Variants in CPXM2 observed in about 807,000 individuals in gnomAD.
CPXM2 encodes carboxypeptidase X, M14 family member 2.
A neutral mutation model predicts 86.1 loss-of-function variants in CPXM2; 66 were observed. That is an observed-to-expected ratio of 0.77 (90% CI 0.63 to 0.94). CPXM2 has a LOEUF of 0.94. Among genes scored for constraint, CPXM2 ranks in the 40% least tolerant of loss-of-function variants. The pLI is 0.00. For missense variants in CPXM2, 948 were observed against 1,026.3 expected, an observed-to-expected ratio of 0.92 and a Z score of 1.04; for synonymous variants, 388 against 400.2, an observed-to-expected ratio of 0.97 and a Z score of 0.36.
intron 4 of CPXM2, among the ~76,000 whole-genome samples, chr10:123,820,924 C>T (rs1347619701): frequency 1.3e-5 from 2 of 152,200 alleles, no homozygotes; most frequent in Admixed American, 6.5e-5. Flanking sequence ...TAAAAAGTCG[C>T]TTTTGCCATG....
chr10:123,938,904 C>G (rs1945747844), intron 2 of CPXM2, among the ~76,000 whole-genome samples: 1 of 152,250 alleles, frequency 6.6e-6, no homozygotes, highest in Non-Finnish European at 1.5e-5. Context: ...CCCAGGGACA[C>G]AGGTGGATCA....
Position 123,794,734 on chromosome 10 carries a change from C to CGTGTGTGTGTGTGTGTGT in CPXM2, c.889+3224_889+3241dup, listed in dbSNP as rs142855432. Among the ~76,000 whole-genome samples, 28 of 141,324 alleles carry CGTGTGTGTGTGTGTGTGT rather than the reference C, an allele frequency of 2.0e-4. No homozygotes were observed. In the South Asian group the frequency reaches 3.4e-3, roughly 17 times the overall value. The allele number at this position is 141,324 out of a possible 152,430, so 92.7% of individuals were successfully genotyped here. On this transcript the variant is annotated intron_variant, in intron 6 of 13. Coordinates refer to ENST00000241305, the MANE Select transcript of CPXM2 (RefSeq NM_198148.3). ...TCATTTTTATTTATTTATTTAAGAC[C>CGTGTGTGTGTGTGTGTGT]GTGTGTGTGTGTGTGTGTGTGTGTG...
At position 123,749,573 on chromosome 10, in the gene CPXM2, C is replaced by T. The variant is rs369178365; in HGVS notation, c.2018-2556G>A. On this transcript the variant is annotated intron_variant, in intron 13 of 13. Coordinates refer to ENST00000241305, the MANE Select transcript of CPXM2 (RefSeq NM_198148.3). ...TGAAATCCAAAGTCCTTGGGTGGCCCGAGCCTCTGGGGTCCCAGTTCCTGC... is the reference window on the plus strand; with the variant it reads ...TGAAATCCAAAGTCCTTGGGTGGCCTGAGCCTCTGGGGTCCCAGTTCCTGC... Among the ~76,000 whole-genome samples the T allele has an allele frequency of 4.6e-5, 7 of 152,256 alleles. No individual in the cohort carries two copies. In the East Asian group the frequency reaches 7.7e-4, roughly 17 times the overall value.
In CPXM2 at chr10:123,891,526, G is replaced by A. The variant is rs1336545843; in HGVS notation, c.134C>T (p.Pro45Leu). ...CTCGGGCTCCGGGCGCGCGTAGTAG[G>A]GCTCCCGGCTCCAGATCTCCTGCCC... ...YYGQEIWSRE[P>L]YYARPEPELE... The change falls in exon 1 of 14, where the codon CCC (proline) becomes CTC (leucine). Residue 45 changes from proline (P) to leucine (L), a missense_variant. Coordinates refer to ENST00000241305, the MANE Select transcript of CPXM2 (RefSeq NM_198148.3). The surrounding 1 kb of genome is among the most constrained non-coding windows in gnomAD (Gnocchi z 5.6). 20 of 1,548,520 alleles carry A rather than the reference G, an allele frequency of 1.3e-5. No individual in the cohort carries two copies. The highest frequency in any genetic ancestry group is 2.0e-5 in the Admixed American group (1 of 50,914).
intron 2 of CPXM2, among the ~76,000 whole-genome samples, chr10:123,935,529 C>T (rs1945707543): frequency 6.6e-6 from 1 of 152,228 alleles, no homozygotes; most frequent in South Asian, 2.1e-4. Context: ...ACAGACCTCA[C>T]AGGGAGAGGG....
At chr10:123,936,097 C>CATAATTACCATCATGATTAT (rs1590130623) in intron 2 of CPXM2, among the ~76,000 whole-genome samples, 10 of 86,970 alleles carry the variant, frequency 1.1e-4, no homozygotes, top group Non-Finnish European at 1.7e-4. Flanking sequence ...ACCACCATCA[C>CATAATTACCATCATGATTAT]CATCATCATC....
chr10:123,834,044 G>A (rs908170856), intron 4 of CPXM2, among the ~76,000 whole-genome samples: 1 of 152,190 alleles, frequency 6.6e-6, no homozygotes, highest in Non-Finnish European at 1.5e-5. Context: ...AAGAAACTGA[G>A]GCCCGAAAGG....
chr10:123,823,233 G>A (rs2134116257), intron 4 of CPXM2, among the ~76,000 whole-genome samples: 1 of 152,270 alleles, frequency 6.6e-6, no homozygotes, highest in South Asian at 2.1e-4. Flanking sequence ...CAGGAGAGAG[G>A]TGAAAAGAAT....
intron 7 of CPXM2, 75 bp from the exon 8 acceptor site, chr10:123,771,114 G>C: frequency 5.6e-6 from 8 of 1,431,902 alleles, no homozygotes; most frequent in Non-Finnish European, 7.7e-6. Context: ...CCAAGAAAAC[G>C]GACACCTCTT....
intron 6 of CPXM2, among the ~76,000 whole-genome samples, chr10:123,792,803 A>C (rs1208439246): frequency 6.6e-6 from 1 of 152,076 alleles, no homozygotes; most frequent in Non-Finnish European, 1.5e-5. Context: ...TGTTATCCCC[A>C]CACCTTCTGC....
chr10:123,939,963 G>T (rs1945758980), intron 1 of CPXM2, among the ~76,000 whole-genome samples: 1 of 152,190 alleles, frequency 6.6e-6, no homozygotes, highest in Admixed American at 6.5e-5. Flanking sequence ...AGGGGCATCT[G>T]CAGGACTTGA....
rs989396462 is a variant in CPXM2 at position 123,754,926 on chromosome 10, T to C, written c.1918-164A>G. ...TTGGAACCGAAAAGCAGTTCATTGC[T>C]CACTGCATTGTTGGGTTCAATTAAC... On this transcript the variant is annotated intron_variant, in intron 12 of 13. Coordinates refer to ENST00000241305, the MANE Select transcript of CPXM2 (RefSeq NM_198148.3). The surrounding 1 kb of genome is among the most constrained non-coding windows in gnomAD (Gnocchi z 4.0). Among the ~76,000 whole-genome samples the C allele has an allele frequency of 6.6e-6, 1 of 152,118 alleles. No individual in the cohort carries two copies. Among genetic ancestry groups the C allele is most frequent in the African/African-American group, 2.4e-5 (1 of 41,434 alleles).
chr10:123,768,609 G>A lies in CPXM2; in HGVS notation c.1216C>T (p.Arg406Cys), dbSNP rs760398201. ...VCQEYLARNA[R>C]IVHLVEETRI... is the part of the protein sequence containing the mutation. The stretch of plus-strand genomic sequence containing the variant: ...GTCTCCTCCACCAGGTGGACGATGC[G>A]CGCATTCCGGGCCAAGTACTCCTGA... Residue 406 changes from arginine to cysteine, a missense_variant, in exon 9 of 14, where the codon CGC (arginine) becomes TGC (cysteine). Physicochemically the swap from Arg to Cys is radical, Grantham distance 180. Transcript: ENST00000241305. 6.2e-6 allele frequency: 10 copies of A among 1,613,976 alleles called. No individual in the cohort carries two copies. Among genetic ancestry groups the A allele is most frequent in the South Asian group, 3.3e-5 (3 of 91,074 alleles).
At chr10:123,871,088 G>A (rs1944888544) in intron 2 of CPXM2, among the ~76,000 whole-genome samples, 1 of 152,182 alleles carries the variant, frequency 6.6e-6, no homozygotes, top group South Asian at 2.1e-4. Flanking sequence ...CAGCCTCAAA[G>A]GTTCTGACCA....
rs1005501576 is a variant in CPXM2 at position 123,754,610 on chromosome 10, T to TA, written c.2017+52dup. On this transcript the variant is annotated intron_variant, in intron 13 of 13. Coordinates refer to ENST00000241305, the MANE Select transcript of CPXM2 (RefSeq NM_198148.3). This position sits in a 1 kb window ranked among gnomAD's most constrained non-coding sequence, Gnocchi z 4.0. ...ATGATTGTAACCCAAGTAAAATGCC[T>TA]AAAAAAATGGGTATTTCTTACCAAG... The TA allele has an allele frequency of 1.2e-4, 114 of 988,070 alleles. 1 individual carries two copies. The Admixed American group carries it at 1.8e-3, about 16-fold the overall frequency. 61.2% of individuals were successfully genotyped at this position (988,070 alleles called of 1,614,324 possible). A position where few individuals can be genotyped will look rare whatever the true frequency, so the allele number is the denominator to read the frequency against.
At chr10:123,762,543 G>A (rs994588535) in intron 10 of CPXM2, among the ~76,000 whole-genome samples, 1 of 152,170 alleles carries the variant, frequency 6.6e-6, no homozygotes, top group African/African-American at 2.4e-5. Flanking sequence ...TCTTTACAAA[G>A]GAAATGCTAT....
chr10:123,853,032 G>A (rs1848637489), intron 3 of CPXM2, among the ~76,000 whole-genome samples: 1 of 152,170 alleles, frequency 6.6e-6, no homozygotes, highest in Non-Finnish European at 1.5e-5. Flanking sequence ...GATGGGGCCT[G>A]GTGGGAGGTG....
intron 6 of CPXM2, among the ~76,000 whole-genome samples, chr10:123,781,341 A>G (rs1161356845): frequency 6.6e-6 from 1 of 152,206 alleles, no homozygotes; most frequent in Non-Finnish European, 1.5e-5. Context: ...ATATAGTTAC[A>G]AAACCCAAGA....
At chr10:123,931,523 C>G (rs1945666157) in intron 2 of CPXM2, 1 of 152,172 alleles carries the variant, frequency 6.6e-6, no homozygotes, top group African/African-American at 2.4e-5. Context: ...ACTGTCCAAC[C>G]TGAGGATGAT....
Sources: allele counts gnomAD v4.1 joint callset (sites outside exome capture counted in the v4.1 genomes callset), GRCh38; gene constraint gnomAD v4.1.1; non-coding constraint Gnocchi (gnomAD v3.1); transcripts MANE v1.5; gene names NCBI Gene and HGNC (gene_info 2026-07-23, HGNC 2026-07-21).